Variants in MTHFD1L observed in about 807,000 individuals in gnomAD.
MTHFD1L encodes the protein monofunctional C1-tetrahydrofolate synthase, mitochondrial.
Under a neutral mutation model 119.5 loss-of-function variants are expected in MTHFD1L, and 81 were observed. The observed-to-expected ratio is 0.68, with a 90% CI of 0.57 to 0.82. The LOEUF (loss-of-function observed/expected upper bound fraction) is 0.82, where lower values mean the gene tolerates loss of function less well. Among genes scored for constraint, MTHFD1L ranks in the 40% least tolerant of loss-of-function variants. MTHFD1L has a pLI of 0.00. For missense variants in MTHFD1L, 1,125 were observed against 1,253.4 expected, an observed-to-expected ratio of 0.90 and a Z score of 1.55; for synonymous variants, 430 against 475.2, an observed-to-expected ratio of 0.90 and a Z score of 1.24.
chr6:150,971,049 A>G (rs1020839054), intron 19 of MTHFD1L, among the ~76,000 whole-genome samples: 1 of 152,228 alleles, frequency 6.6e-6, no homozygotes, highest in Non-Finnish European at 1.5e-5. Flanking sequence ...ACAAAAATAT[A>G]AAGTGCTTTT....
chr6:150,951,296 T>A (rs968755004), intron 16 of MTHFD1L, among the ~76,000 whole-genome samples: 1 of 152,112 alleles, frequency 6.6e-6, no homozygotes. Flanking sequence ...CCTCCCAAAG[T>A]GCTGGGATTA....
At chr6:150,954,054 T>A (rs1368932356) in intron 16 of MTHFD1L, among the ~76,000 whole-genome samples, 1 of 152,198 alleles carries the variant, frequency 6.6e-6, no homozygotes, top group Admixed American at 6.5e-5. Flanking sequence ...AGGGAGCTTG[T>A]TATAAAGACT....
chr6:150,990,990 G>A (rs1030779386), intron 20 of MTHFD1L, among the ~76,000 whole-genome samples: 4 of 152,150 alleles, frequency 2.6e-5, no homozygotes, highest in African/African-American at 9.7e-5. Context: ...CTGAGTAGCT[G>A]GGATTACAGG....
intron 16 of MTHFD1L, among the ~76,000 whole-genome samples, chr6:150,952,431 G>A (rs1794992005): frequency 6.6e-6 from 1 of 152,200 alleles, no homozygotes; most frequent in Non-Finnish European, 1.5e-5. Flanking sequence ...GACAGTCAGG[G>A]TGCACGGTGG....
At chr6:151,025,424 T>C (rs1784494584) in intron 24 of MTHFD1L, among the ~76,000 whole-genome samples, 1 of 152,262 alleles carries the variant, frequency 6.6e-6, no homozygotes, top group Non-Finnish European at 1.5e-5. Flanking sequence ...GTGTGGTCAG[T>C]ATAAATTAAT....
chr6:151,037,514 G>C (rs969126182), intron 26 of MTHFD1L, among the ~76,000 whole-genome samples: 2 of 152,142 alleles, frequency 1.3e-5, no homozygotes, highest in Non-Finnish European at 2.9e-5. Flanking sequence ...GATCTGCCCA[G>C]TCACCCCAAG....
At chr6:151,032,440 G>A (rs9478916) in intron 24 of MTHFD1L, among the ~76,000 whole-genome samples, 9,636 of 152,164 alleles carry the variant, frequency 0.063, 1,015 homozygotes, top group East Asian at 0.56. Flanking sequence ...ACTCATTATC[G>A]TGAGGACAGT....
chr6:150,879,292 TTTTC>T (rs1313124268), intron 4 of MTHFD1L, among the ~76,000 whole-genome samples: 17 of 152,262 alleles, frequency 1.1e-4, no homozygotes, highest in South Asian at 1.0e-3. Context: ...CAGAATTTGC[TTTTC>T]TTTCTTTTTT....
intron 8 of MTHFD1L, among the ~76,000 whole-genome samples, chr6:150,908,635 A>G: frequency 6.6e-6 from 1 of 151,844 alleles, no homozygotes; most frequent in East Asian, 1.9e-4. Flanking sequence ...TTCTCAAAAA[A>G]AAAGAAAAGA....
intron 27 of MTHFD1L, among the ~76,000 whole-genome samples, chr6:151,095,807 G>A (rs1794852810): frequency 6.6e-6 from 1 of 152,250 alleles, no homozygotes; most frequent in South Asian, 2.1e-4. Context: ...TGGTCTGCAA[G>A]GCTACAGAAC....
chr6:150,932,816 G>GAGGAAGGAAGGAAAGGAAGGA (rs769300755), intron 11 of MTHFD1L, among the ~76,000 whole-genome samples: 3 of 119,484 alleles, frequency 2.5e-5, no homozygotes, highest in African/African-American at 9.9e-5. Context: ...GAGAGGGAGG[G>GAGGAAGGAAGGAAAGGAAGGA]AGGAAGGAAG....
At chr6:151,096,604 C>G (rs1794915613) in intron 27 of MTHFD1L, among the ~76,000 whole-genome samples, 1 of 152,234 alleles carries the variant, frequency 6.6e-6, no homozygotes, top group African/African-American at 2.4e-5. Flanking sequence ...GCTTAGGTGA[C>G]AGCTTGGACA....
intron 26 of MTHFD1L, among the ~76,000 whole-genome samples, chr6:151,076,606 G>A (rs1387125464): frequency 2.0e-5 from 3 of 148,438 alleles, no homozygotes; most frequent in Non-Finnish European, 4.4e-5. Flanking sequence ...AGCCAAGATT[G>A]TACCACTGCA....
At chr6:150,923,537 A>ATTTATTTTTTTTTTTTT (rs1254981530) in intron 10 of MTHFD1L, among the ~76,000 whole-genome samples, 2 of 95,224 alleles carry the variant, frequency 2.1e-5, no homozygotes, top group African/African-American at 1.0e-4. Context: ...TTATTTATTT[A>ATTTATTTTTTTTTTTTT]TTTTTTCTTT....
intron 8 of MTHFD1L, among the ~76,000 whole-genome samples, chr6:150,915,815 G>C (rs755026268): frequency 2.6e-5 from 4 of 152,140 alleles, no homozygotes; most frequent in African/African-American, 9.7e-5. Flanking sequence ...TGTTGGCCAG[G>C]CTGGTCTTGA....
At chr6:151,034,379 G>C (rs1411609785) in intron 24 of MTHFD1L, 114 bp from the exon 25 acceptor site, 3 of 712,750 alleles carry the variant, frequency 4.2e-6, no homozygotes, top group Non-Finnish European at 7.4e-6. Context: ...AGTTGCTGAG[G>C]GGGTACTCTG....
At chr6:150,991,416 A>G (rs1234243150) in intron 20 of MTHFD1L, among the ~76,000 whole-genome samples, 3 of 152,240 alleles carry the variant, frequency 2.0e-5, no homozygotes, top group Admixed American at 6.5e-5. Flanking sequence ...ATTTATATCT[A>G]TATATGGAAT....
intron 8 of MTHFD1L, 103 bp downstream of exon 8, chr6:150,905,864 G>C (rs777838361): frequency 1.0e-5 from 9 of 902,704 alleles, no homozygotes; most frequent in Non-Finnish European, 1.6e-5. Context: ...GTTAGCAGTC[G>C]TCAACATTAA....
At chr6:150,968,496 GTTTGT>G (rs71014531) in intron 19 of MTHFD1L, among the ~76,000 whole-genome samples, 121 of 152,084 alleles carry the variant, frequency 8.0e-4, no homozygotes, top group African/African-American at 2.6e-3. Context: ...TATTGTTGTT[GTTTGT>G]TTTGTTTTGT....
Sources: allele counts gnomAD v4.1 joint callset (sites outside exome capture counted in the v4.1 genomes callset), GRCh38; gene constraint gnomAD v4.1.1; transcripts MANE v1.5; gene names NCBI Gene and HGNC (gene_info 2026-07-23, HGNC 2026-07-21).